EIF4E: variants seen among roughly 807,000 people sequenced by gnomAD.
EIF4E encodes eIF-4F 25 kDa subunit.
For synonymous variants in EIF4E, 71 were observed against 88.5 expected, an observed-to-expected ratio of 0.80 and a Z score of 1.11; for missense variants, 113 against 265.6, an observed-to-expected ratio of 0.43 and a Z score of 3.99.
intron 3 of EIF4E, chr4:98,890,711 T>C (rs1199263686): frequency 1.3e-5 from 2 of 153,698 alleles, no homozygotes; most frequent in African/African-American, 4.8e-5. Flanking sequence ...ATTTCAAAAA[T>C]ATTTCAACTA....
intron 1 of EIF4E, among the ~76,000 whole-genome samples, chr4:98,928,255 A>T (rs1425413425): frequency 2.6e-5 from 4 of 151,932 alleles, no homozygotes; most frequent in Non-Finnish European, 5.9e-5. Context: ...GACCGGCTAC[A>T]GCGATCTGTA....
At chr4:98,913,335 T>C (rs1725234747) in intron 1 of EIF4E, among the ~76,000 whole-genome samples, 1 of 152,130 alleles carries the variant, frequency 6.6e-6, no homozygotes, top group Admixed American at 6.5e-5. Flanking sequence ...TTTTTTTTTC[T>C]TCTTTTCTTG....
intron 1 of EIF4E, among the ~76,000 whole-genome samples, chr4:98,903,037 G>A (rs552286746): frequency 6.6e-6 from 1 of 152,268 alleles, no homozygotes; most frequent in African/African-American, 2.4e-5. Flanking sequence ...TTTTAGGCTA[G>A]ACAAAATTAA....
intron 2 of EIF4E, among the ~76,000 whole-genome samples, chr4:98,900,226 C>T (rs749332812): frequency 6.6e-6 from 1 of 152,014 alleles, no homozygotes; most frequent in Non-Finnish European, 1.5e-5. Context: ...CTGCCTCTAA[C>T]GAATTGTTCA....
At chr4:98,889,049 C>T (rs943678172) in intron 3 of EIF4E, among the ~76,000 whole-genome samples, 1 of 151,808 alleles carries the variant, frequency 6.6e-6, no homozygotes, top group African/African-American at 2.4e-5. Flanking sequence ...ATCCCAGCTA[C>T]TAGGGAGGCT....
intron 2 of EIF4E, among the ~76,000 whole-genome samples, chr4:98,894,244 G>A (rs144386910): frequency 6.2e-4 from 95 of 152,320 alleles, no homozygotes; most frequent in Non-Finnish European, 1.2e-3. Flanking sequence ...ATGAGCACTG[G>A]CTTCAACTTA....
intron 2 of EIF4E, among the ~76,000 whole-genome samples, chr4:98,898,811 C>T (rs1342362444): frequency 6.6e-6 from 1 of 151,844 alleles, no homozygotes; most frequent in Non-Finnish European, 1.5e-5. Flanking sequence ...AGATAAAAAT[C>T]CACATAAAGC....
chr4:98,888,014 CATAT>C, intron 3 of EIF4E, 62 bp from the exon 4 acceptor site: 2 of 1,289,406 alleles, frequency 1.6e-6, no homozygotes, highest in Non-Finnish European at 2.2e-6. Flanking sequence ...TAGGTGCTTA[CATAT>C]ATATACATTT....
intron 2 of EIF4E, among the ~76,000 whole-genome samples, chr4:98,892,340 CAAA>C (rs1164170926): frequency 1.6e-5 from 2 of 126,318 alleles, no homozygotes; most frequent in South Asian, 5.1e-4. Context: ...AAAAAACAAA[CAAA>C]AAAAAAAAAC....
At chr4:98,907,432 C>T (rs1724921641) in intron 1 of EIF4E, among the ~76,000 whole-genome samples, 1 of 147,740 alleles carries the variant, frequency 6.8e-6, no homozygotes, top group Non-Finnish European at 1.5e-5. Flanking sequence ...AATCAAGCAT[C>T]AAAAAAGGCA....
At chr4:98,884,561 A>G (rs1384140967) in intron 6 of EIF4E, among the ~76,000 whole-genome samples, 1 of 151,966 alleles carries the variant, frequency 6.6e-6, no homozygotes, top group Non-Finnish European at 1.5e-5. Context: ...AAAATTACCC[A>G]AGCATGGTGG....
intron 1 of EIF4E, among the ~76,000 whole-genome samples, chr4:98,906,525 A>G (rs988759341): frequency 6.6e-6 from 1 of 152,082 alleles, no homozygotes; most frequent in Non-Finnish European, 1.5e-5. Context: ...GAAATTTTTA[A>G]AAAAAGGCCA....
At chr4:98,885,184 ATG>A (rs1472551047) in intron 5 of EIF4E, 123 bp from the exon 6 acceptor site, 24 of 1,189,082 alleles carry the variant, frequency 2.0e-5, no homozygotes, top group Non-Finnish European at 2.6e-5. Context: ...AATTTTTTAA[ATG>A]TGTAAATTTT....
At chr4:98,896,198 T>G (rs1307356907) in intron 2 of EIF4E, among the ~76,000 whole-genome samples, 1 of 150,668 alleles carries the variant, frequency 6.6e-6, no homozygotes, top group Non-Finnish European at 1.5e-5. Context: ...CCATCTCCAA[T>G]AAAATAAAAT....
rs551657422 is a variant in EIF4E at position 98,921,355 on chromosome 4, A to G, written c.18+7740T>C. Among the ~76,000 whole-genome samples, 14 of 152,062 alleles carry G rather than the reference A, an allele frequency of 9.2e-5. No individual in the cohort carries two copies. The South Asian group carries it at 2.7e-3, about 29-fold the overall frequency. On this transcript the variant is annotated intron_variant, in intron 1 of 6. Coordinates refer to ENST00000450253, the MANE Select transcript of EIF4E (RefSeq NM_001968.5). Reference sequence around the variant, plus strand: ...AATATGTTGACATATATATGTAGACATATATATCAAAATTAGTTACAATAT... The same window carrying G: ...AATATGTTGACATATATATGTAGACGTATATATCAAAATTAGTTACAATAT...
chr4:98,927,712 T>C (rs947181906), intron 1 of EIF4E, among the ~76,000 whole-genome samples: 2 of 120,698 alleles, frequency 1.7e-5, no homozygotes, highest in Non-Finnish European at 3.6e-5. Flanking sequence ...AGCAAACTGG[T>C]AAACCATTAG....
At chr4:98,886,382 T>C (rs1723922051) in intron 5 of EIF4E, 1 of 390,294 alleles carries the variant, frequency 2.6e-6, no homozygotes, top group Admixed American at 2.8e-5. Context: ...GGTCAAATGG[T>C]AGTACACAAC....
chr4:98,887,046 C>G lies in EIF4E; in HGVS notation c.399+33G>C. ...TTAAGTATCAGTATTCCAAAACTAC[C>G]TCTAAAACTGCTTTATACTTTTAAA... On this transcript the variant is annotated intron_variant, in intron 5 of 6. Coordinates refer to ENST00000450253, the MANE Select transcript of EIF4E (RefSeq NM_001968.5). The surrounding 1 kb of genome is among the most constrained non-coding windows in gnomAD (Gnocchi z 4.0). The G allele has an allele frequency of 6.2e-7, 1 of 1,602,998 alleles. No homozygotes were observed. The highest frequency in any genetic ancestry group is 8.5e-7 in the Non-Finnish European group (1 of 1,171,822).
chr4:98,919,332 CA>C (rs376097110), intron 1 of EIF4E, among the ~76,000 whole-genome samples: 54 of 106,930 alleles, frequency 5.1e-4, no homozygotes, highest in Admixed American at 6.1e-4. Flanking sequence ...AAAAGACTAG[CA>C]AAAAAAAAAA....
Sources: gnomAD v4.1 joint callset for allele counts (sites outside exome capture counted in the v4.1 genomes callset) on GRCh38, gnomAD v4.1.1 for gene constraint, Gnocchi (gnomAD v3.1) non-coding constraint, MANE v1.5 for transcripts, NCBI Gene and HGNC (gene_info 2026-07-23, HGNC 2026-07-21) for gene names.